Variants in ATP2B2 observed in about 807,000 individuals in gnomAD.
ATP2B2 encodes the protein ATPase plasma membrane Ca2+ transporting 2, also known as plasma membrane calcium-transporting ATPase 2.
In ATP2B2, 15 loss-of-function variants were observed where a neutral mutation model predicts 120.0. That is an observed-to-expected ratio of 0.12 (90% CI 0.08 to 0.19). The LOEUF (loss-of-function observed/expected upper bound fraction) is 0.19. ATP2B2 is among the 10% of genes least tolerant of loss of function. The pLI, the probability that ATP2B2 is intolerant of heterozygous loss-of-function variation, is 1.00. For synonymous variants in ATP2B2, 694 were observed against 700.3 expected (o/e 0.99, Z 0.14); for missense variants, 1,045 against 1,719.8 (o/e 0.61, Z 6.94).
At chr3:10,673,828 A>AAAAAAG (rs58000938) in intron 1 of ATP2B2, among the ~76,000 whole-genome samples, 1 of 149,006 alleles carries the variant, frequency 6.7e-6, no homozygotes, top group African/African-American at 2.5e-5. Flanking sequence ...AAAAAAAAAA[A>AAAAAAG]GAAGGAAAGA....
intron 2 of ATP2B2, among the ~76,000 whole-genome samples, chr3:10,421,532 G>A (rs2062979928): frequency 6.6e-6 from 1 of 152,168 alleles, no homozygotes; most frequent in Non-Finnish European, 1.5e-5. Context: ...GAAACTAGAA[G>A]CTGAGTGGCG....
intron 2 of ATP2B2, among the ~76,000 whole-genome samples, chr3:10,537,857 C>T (rs552819975): frequency 2.9e-4 from 44 of 152,200 alleles, no homozygotes; most frequent in Admixed American, 4.6e-4. Context: ...TGTTTTATGA[C>T]GAATGGGTGT....
chr3:10,423,268 C>T (rs1045564216), intron 2 of ATP2B2, among the ~76,000 whole-genome samples: 8 of 152,176 alleles, frequency 5.3e-5, no homozygotes, highest in Non-Finnish European at 7.4e-5. Flanking sequence ...GCTCCCTGTC[C>T]CCTCTCCTCC....
chr3:10,526,138 T>TG (rs2067086576), intron 3 of ATP2B2, among the ~76,000 whole-genome samples: 1 of 152,264 alleles, frequency 6.6e-6, no homozygotes, highest in Non-Finnish European at 1.5e-5. Flanking sequence ...AACAGGTGTG[T>TG]GAGCCTTCCT....
At chr3:10,366,718 C>T (rs1248584243) in intron 12 of ATP2B2, among the ~76,000 whole-genome samples, 5 of 152,084 alleles carry the variant, frequency 3.3e-5, no homozygotes, top group Non-Finnish European at 5.9e-5. Flanking sequence ...CTCCAGAGGT[C>T]GAGGAAAGAG....
chr3:10,394,758 G>T (rs2124924988), intron 5 of ATP2B2, among the ~76,000 whole-genome samples: 1 of 151,890 alleles, frequency 6.6e-6, no homozygotes, highest in South Asian at 2.1e-4. Flanking sequence ...TAGTGCTCTG[G>T]CTGGCAGGGG....
chr3:10,509,595 G>A (rs1471961742), upstream of ATP2B2, among the ~76,000 whole-genome samples: 2 of 152,156 alleles, frequency 1.3e-5, no homozygotes, highest in African/African-American at 4.8e-5. Flanking sequence ...TCAAACCCTA[G>A]GCCCCTCTCT....
intron 5 of ATP2B2, among the ~76,000 whole-genome samples, chr3:10,394,788 G>A (rs1021539751): frequency 1.3e-5 from 2 of 151,910 alleles, no homozygotes; most frequent in Admixed American, 6.5e-5. Context: ...AGGGTGTGTC[G>A]GGGTCTCGCG....
chr3:10,602,716 T>C (rs951772735), intron 2 of ATP2B2, among the ~76,000 whole-genome samples: 4 of 152,148 alleles, frequency 2.6e-5, no homozygotes, highest in African/African-American at 9.7e-5. Context: ...CAAGACTAAA[T>C]GGGTAATCGC....
intron 1 of ATP2B2, among the ~76,000 whole-genome samples, chr3:10,499,116 C>G (rs1356361204): frequency 6.6e-6 from 1 of 152,232 alleles, no homozygotes; most frequent in Non-Finnish European, 1.5e-5. Context: ...TCAAATCTTT[C>G]TGATGCCACA....
At chr3:10,408,187 G>C (rs769350080) in intron 3 of ATP2B2, among the ~76,000 whole-genome samples, 2 of 152,224 alleles carry the variant, frequency 1.3e-5, no homozygotes, top group Non-Finnish European at 2.9e-5. Flanking sequence ...TGAGAACCCG[G>C]ACATAAAGTG....
intron 1 of ATP2B2, among the ~76,000 whole-genome samples, chr3:10,489,395 GTGAAAGC>G (rs1425123091): frequency 6.6e-6 from 1 of 152,214 alleles, no homozygotes; most frequent in Non-Finnish European, 1.5e-5. Flanking sequence ...TGCTAAATGA[GTGAAAGC>G]TCCCCGCCCC....
At chr3:10,663,767 A>G (rs536867134) in intron 1 of ATP2B2, among the ~76,000 whole-genome samples, 58 of 152,286 alleles carry the variant, frequency 3.8e-4, no homozygotes, top group African/African-American at 1.3e-3. Flanking sequence ...TTTTCAGGAT[A>G]TGGCAAGGAC....
chr3:10,328,557 GTT>G lies in ATP2B2; in HGVS notation c.*255_*256del. On this transcript the variant is annotated 3_prime_UTR_variant, in exon 23 of 23. Transcript: ENST00000360273. ...TCTGGGTGGGAGCCAGGAAGGGCTT[GTT>G]TTGGGAAAACCGCTCACTCCCGTAA... is the stretch of plus-strand genomic sequence containing the variant. The G allele has an allele frequency of 2.1e-6, 1 of 485,206 alleles. No homozygotes were observed. The highest frequency in any genetic ancestry group is 1.9e-5 in the African/African-American group (1 of 51,566). The allele number at this position is 485,206 out of a possible 1,614,324, so 30.1% of individuals were successfully genotyped here.
chr3:10,641,764 C>T (rs1169303121), intron 1 of ATP2B2, among the ~76,000 whole-genome samples: 4 of 152,036 alleles, frequency 2.6e-5, no homozygotes, highest in Admixed American at 6.5e-5. Flanking sequence ...GAGATGTTCC[C>T]GGGGAGAAGC....
At chr3:10,390,623 A>T (rs2061821120) in intron 5 of ATP2B2, among the ~76,000 whole-genome samples, 1 of 152,120 alleles carries the variant, frequency 6.6e-6, no homozygotes, top group Admixed American at 6.5e-5. Context: ...TCAGGCACGT[A>T]AATGCCAGCC....
chr3:10,492,412 C>T (rs746536343), intron 1 of ATP2B2, among the ~76,000 whole-genome samples: 21 of 152,178 alleles, frequency 1.4e-4, no homozygotes, highest in Non-Finnish European at 2.1e-4. Flanking sequence ...ACAAACAATG[C>T]GACAAAGCCG....
At chr3:10,676,012 C>T (rs186856045) in intron 1 of ATP2B2, among the ~76,000 whole-genome samples, 35 of 152,310 alleles carry the variant, frequency 2.3e-4, no homozygotes, top group African/African-American at 8.2e-4. Flanking sequence ...ATTTGTGATG[C>T]TGTACTTGTG....
At position 10,628,257 on chromosome 3, in the gene ATP2B2, G is replaced by A. The variant is rs1012788105; in HGVS notation, c.-459-8296C>T. ...CAGATGTACAGTGGAAGGGTGAGAAGTCTGGCCGCTGTGGGTAGAGAGTGG... is the reference window on the plus strand; with the variant it reads ...CAGATGTACAGTGGAAGGGTGAGAAATCTGGCCGCTGTGGGTAGAGAGTGG... On this transcript the variant is annotated intron_variant, in intron 1 of 21. Coordinates refer to the ATP2B2 transcript ENST00000646379. 4.6e-5 allele frequency among the ~76,000 whole-genome samples: 7 copies of A among 152,080 alleles called. No homozygotes were observed. The East Asian group carries it at 1.4e-3, about 29-fold the overall frequency.
Sources: allele counts gnomAD v4.1 joint callset (sites outside exome capture counted in the v4.1 genomes callset), GRCh38; gene constraint gnomAD v4.1.1; transcripts MANE v1.5; gene names NCBI Gene and HGNC (gene_info 2026-07-23, HGNC 2026-07-21).